Variants in GPR143 observed in about 807,000 individuals in gnomAD.
GPR143 encodes the protein G protein-coupled receptor 143.
In GPR143, 8 loss-of-function variants were observed where a neutral mutation model predicts 27.6. The ratio of observed to expected loss-of-function variants is 0.29; its 90% CI spans 0.17 to 0.52. The LOEUF is 0.52. Ranked by LOEUF, GPR143 falls within the 20% of genes least tolerant of loss-of-function variation. The pLI, the probability that GPR143 is intolerant of heterozygous loss-of-function variation, is 0.96. For synonymous variants in GPR143, 156 were observed against 153.2 expected (o/e 1.02, Z -0.13); for missense variants, 303 against 343.1 (o/e 0.88, Z 0.92).
At chrX:9,757,473 C>G (rs762421845) in intron 3 of GPR143, among the ~76,000 whole-genome samples, 83 of 112,320 alleles carry the variant, frequency 7.4e-4, no homozygotes, top group Non-Finnish European at 1.3e-3. Flanking sequence ...AAATGTTACA[C>G]TGAGTTAAAA....
At chrX:9,764,237 G>A (rs868394340) in intron 1 of GPR143, among the ~76,000 whole-genome samples, 46 of 111,390 alleles carry the variant, frequency 4.1e-4, no homozygotes, top group Middle Eastern at 4.6e-3. Flanking sequence ...GCTGCAGTGA[G>A]CTGTGATTGT....
Position 9,774,872 on chromosome X carries a change from G to GT in GPR143, c.-3+11369_-3+11370insA, listed in dbSNP as rs201023379. On this transcript the variant is annotated intron_variant, in intron 1 of 7. Coordinates refer to the GPR143 transcript ENST00000447366. ...TTTTTAATTGTTTTTTTGTTTGTTT[G>GT]GTTTTTTTTGAGACAAGGTCTCGCT... Among the ~76,000 whole-genome samples the GT allele has an allele frequency of 6.2e-3, 684 of 110,480 alleles. 7 individuals are homozygous for GT. The highest frequency in any genetic ancestry group is 0.02 in the African/African-American group (618 of 30,308).
intron 8 of GPR143, chrX:9,738,531 A>G (rs184235501): frequency 2.3e-4 from 168 of 744,841 alleles, no homozygotes; most frequent in Middle Eastern, 1.5e-3. Context: ...CATGGAATCA[A>G]TTCATCAGTT....
chrX:9,768,477 G>A (rs1826598268), upstream of GPR143, among the ~76,000 whole-genome samples: 3 of 111,360 alleles, frequency 2.7e-5, no homozygotes, highest in Admixed American at 1.9e-4. Context: ...CTTCTGTGGG[G>A]TCCCAAGGGA....
At chrX:9,744,305 C>T (rs770008508) in intron 5 of GPR143, among the ~76,000 whole-genome samples, 1 of 112,241 alleles carries the variant, frequency 8.9e-6, no homozygotes, top group South Asian at 3.7e-4. Flanking sequence ...GCACTCCAGC[C>T]TGGGTGACAG....
chrX:9,767,158 A>C (rs1169679624), upstream of GPR143, among the ~76,000 whole-genome samples: 2 of 105,561 alleles, frequency 1.9e-5, no homozygotes, highest in Non-Finnish European at 3.9e-5. Flanking sequence ...TAATGATTAC[A>C]GTAAGCATAC....
In GPR143 at chrX:9,750,688, C is replaced by T. The variant is rs779809866; in HGVS notation, c.456-2022G>A. Among the ~76,000 whole-genome samples, 27 of 111,250 alleles carry T rather than the reference C, an allele frequency of 2.4e-4. No homozygotes were observed. The South Asian group carries it at 0.01, about 42-fold the overall frequency. On this transcript the variant is annotated intron_variant, in intron 3 of 8. Coordinates refer to ENST00000467482, the MANE Select transcript of GPR143 (RefSeq NM_000273.3). ...AAGCAATTCTCCTGCCTCAGCCTCC[C>T]GAGTAGTTGGGATTACAGGCGCCCA...
intron 1 of GPR143, among the ~76,000 whole-genome samples, chrX:9,777,939 A>G (rs2083575959): frequency 9.1e-6 from 1 of 110,318 alleles, no homozygotes; most frequent in South Asian, 3.9e-4. Flanking sequence ...AAATACAAAA[A>G]AATTAGCTGG....
intron 3 of GPR143, among the ~76,000 whole-genome samples, chrX:9,759,013 T>G (rs891100328): frequency 2.7e-5 from 3 of 112,293 alleles, no homozygotes; most frequent in African/African-American, 9.7e-5. Flanking sequence ...TCCTCAAGAT[T>G]TTCTTTTATT....
chrX:9,749,233 C>A (rs775641379), intron 3 of GPR143, among the ~76,000 whole-genome samples: 1 of 105,421 alleles, frequency 9.5e-6, no homozygotes, highest in South Asian at 4.4e-4. Context: ...CCCTCCCCCC[C>A]CAACCCCCTC....
rs971668964 is a variant in GPR143, at chrX:9,771,915, T to A, written c.-2-11089A>T. Among the ~76,000 whole-genome samples, 5 of 110,444 alleles carry A rather than the reference T, an allele frequency of 4.5e-5. No individual in the cohort carries two copies. In the East Asian group the frequency reaches 1.4e-3, roughly 32 times the overall value. ...TAGTAGAGGTAGGGTTTCACCATGT[T>A]AGCCAGGCTGGTCTTGAACTCCTGA... On this transcript the variant is annotated intron_variant, in intron 1 of 7. Transcript: ENST00000447366.
chrX:9,733,885 G>T (rs1256149350), intron 8 of GPR143, among the ~76,000 whole-genome samples: 1 of 110,672 alleles, frequency 9.0e-6, no homozygotes, highest in Non-Finnish European at 1.9e-5. Context: ...TTCCAGACCA[G>T]CCTGGCCAAC....
chrX:9,773,211 T>C (rs2083560337), intron 1 of GPR143, among the ~76,000 whole-genome samples: 1 of 112,120 alleles, frequency 8.9e-6, no homozygotes, highest in Non-Finnish European at 1.9e-5. Context: ...TAAAGACATC[T>C]GTCTGCCTAA....
At chrX:9,760,669 G>A (rs1276225270) in intron 2 of GPR143, 48 bp downstream of exon 2, 1 of 676,687 alleles carries the variant, frequency 1.5e-6, no homozygotes, top group African/African-American at 2.2e-5. Context: ...GCTGCGATTT[G>A]AGGAGCATAA....
rs1355896487 is a variant in GPR143 at position 9,765,687 on chromosome X, C to T, written c.131G>A (p.Gly44Asp). The change falls in exon 1 of 9, where the codon GGC becomes GAC. Residue 44 changes from glycine (G) to aspartate (D), a missense_variant. By Grantham distance (94) the Gly-to-Asp change is moderately conservative. Transcript: ENST00000467482. The part of the protein sequence containing the change: ...LGSGGLRLAL[G>D]LLQLLPGRRP... Reference sequence around the variant, plus strand: ...GCGGCCGGGCAGCAGCTGCAGAAGGCCCAGCGCCAAGCGGAGCCCGCCGCT... The same window carrying T: ...GCGGCCGGGCAGCAGCTGCAGAAGGTCCAGCGCCAAGCGGAGCCCGCCGCT... 4 of 1,099,079 alleles carry T rather than the reference C, an allele frequency of 3.6e-6. No homozygotes were observed. The highest frequency in any genetic ancestry group is 4.7e-6 in the Non-Finnish European group (4 of 844,854). The allele number at this position is 1,099,079 out of a possible 1,213,427, so 90.6% of individuals were successfully genotyped here.
intron 1 of GPR143, among the ~76,000 whole-genome samples, chrX:9,778,510 A>T (rs1348492815): frequency 1.8e-5 from 2 of 110,094 alleles, no homozygotes; most frequent in African/African-American, 6.6e-5. Flanking sequence ...AGAGAGAGAT[A>T]GGTGTACATT....
upstream of GPR143, among the ~76,000 whole-genome samples, chrX:9,766,903 T>TCTCACA (rs1379433308): frequency 1.6e-3 from 141 of 86,912 alleles, no homozygotes; most frequent in Admixed American, 2.6e-3. Context: ...TCTCTCTCTC[T>TCTCACA]CACACACACA....
chrX:9,735,570 C>T (rs6640494), intron 8 of GPR143, among the ~76,000 whole-genome samples: 41,149 of 109,672 alleles, frequency 0.38, 8,368 homozygotes, highest in African/African-American at 0.77. Flanking sequence ...AAAAAAAAAA[C>T]AGTATTGTCC....
chrX:9,739,595 G>A lies in GPR143; in HGVS notation c.1010C>T (p.Ala337Val), dbSNP rs1210331667. 1 of 1,205,389 alleles carries A rather than the reference G, an allele frequency of 8.3e-7. No homozygotes were observed. The highest frequency in any genetic ancestry group is 1.1e-6 in the Non-Finnish European group (1 of 891,331). The change falls in exon 8 of 9, where the codon GCT (alanine) becomes GTT (valine). Residue 337 changes from alanine to valine, a missense_variant. Physicochemically the swap from Ala to Val is moderately conservative, Grantham distance 64. Transcript: ENST00000467482. Reference sequence around the variant, plus strand: ...CAGTGGGGATGGGTGAGCCCCCTCAGCAGCCGAGGTGGTCAGTGATTCCCA... The same window carrying A: ...CAGTGGGGATGGGTGAGCCCCCTCAACAGCCGAGGTGGTCAGTGATTCCCA... Reference protein sequence around the residue: ...IQWESLTTSAAEGAHPSPLMP... With the variant: ...IQWESLTTSAVEGAHPSPLMP...
Sources: gnomAD v4.1 joint callset for allele counts (sites outside exome capture counted in the v4.1 genomes callset) on GRCh38, gnomAD v4.1.1 for gene constraint, MANE v1.5 for transcripts, NCBI Gene and HGNC (gene_info 2026-07-23, HGNC 2026-07-21) for gene names.